ACSS3: variants seen among roughly 807,000 people sequenced by gnomAD.
The protein encoded by ACSS3 is acyl-CoA synthetase short-chain family member 3, mitochondrial.
In ACSS3, 64 loss-of-function variants were observed where a neutral mutation model predicts 84.2. The ratio of observed to expected loss-of-function variants is 0.76; its 90% confidence interval spans 0.62 to 0.94. The LOEUF is 0.94. Among genes scored for constraint, ACSS3 ranks in the 40% least tolerant of loss-of-function variants. ACSS3 has a pLI of 0.00. For synonymous variants in ACSS3, 317 were observed against 310.1 expected (o/e 1.02, Z -0.23); for missense variants, 815 against 867.6 (o/e 0.94, Z 0.76).
At chr12:81,245,408 G>T (rs1462558311) in intron 13 of ACSS3, among the ~76,000 whole-genome samples, 1 of 152,238 alleles carries the variant, frequency 6.6e-6, no homozygotes, top group Non-Finnish European at 1.5e-5. Context: ...CTTGCAGTGA[G>T]CTGAGATCGC....
chr12:81,140,526 A>G (rs1301566893), intron 4 of ACSS3, among the ~76,000 whole-genome samples: 2 of 152,220 alleles, frequency 1.3e-5, no homozygotes, highest in African/African-American at 4.8e-5. Context: ...AAAATATGTC[A>G]TTTTGATTAC....
chr12:81,124,980 C>T (rs957939669), intron 2 of ACSS3, among the ~76,000 whole-genome samples: 5 of 152,228 alleles, frequency 3.3e-5, no homozygotes, highest in South Asian at 2.1e-4. Flanking sequence ...TTTGGGAGGC[C>T]GAGGCGGGCA....
intron 2 of ACSS3, 82 bp from the exon 3 acceptor site, chr12:81,134,734 G>A: frequency 1.6e-6 from 2 of 1,284,868 alleles, no homozygotes; most frequent in Non-Finnish European, 1.0e-6. Flanking sequence ...CGGGTGATCA[G>A]CTTCTAATAT....
intron 4 of ACSS3, 22 bp from the exon 5 acceptor site, chr12:81,143,085 T>C (rs764814691): frequency 6.2e-7 from 1 of 1,605,674 alleles, no homozygotes; most frequent in Non-Finnish European, 8.5e-7. Flanking sequence ...ACAGTACATA[T>C]TCTTATATTT....
intron 13 of ACSS3, among the ~76,000 whole-genome samples, chr12:81,251,897 C>A (rs1456906658): frequency 6.6e-6 from 1 of 151,996 alleles, no homozygotes; most frequent in Non-Finnish European, 1.5e-5. Flanking sequence ...CTGCTCTGAT[C>A]TTGCATCTCC....
Position 81,109,685 on chromosome 12 carries a change from A to T in ACSS3, c.437A>T (p.Tyr146Phe). Reference sequence around the variant, plus strand: ...ACAAACACTAAAGCAACCTTTACCTATAAAGAAGTTCTGGAGCAGGTAATA... The same window carrying T: ...ACAAACACTAAAGCAACCTTTACCTTTAAAGAAGTTCTGGAGCAGGTAATA... ...PVTNTKATFT[Y>F]KEVLEQVSKL... is the part of the protein sequence containing the mutation. Residue 146 changes from tyrosine (Y) to phenylalanine (F), a missense_variant, in exon 2 of 16, where the codon TAT becomes TTT. Coordinates refer to ENST00000548058, the MANE Select transcript of ACSS3 (RefSeq NM_024560.4). 1 of 1,601,282 alleles carries T rather than the reference A, an allele frequency of 6.2e-7. No individual in the cohort carries two copies. Among genetic ancestry groups the T allele is most frequent in the Non-Finnish European group, 8.5e-7 (1 of 1,175,376 alleles).
At chr12:81,154,791 C>A (rs899828053) in intron 7 of ACSS3, among the ~76,000 whole-genome samples, 1 of 152,188 alleles carries the variant, frequency 6.6e-6, no homozygotes, top group Non-Finnish European at 1.5e-5. Flanking sequence ...GAGTTCAGCC[C>A]TGCAGACCAT....
In ACSS3 at chr12:81,226,655, C is replaced by T. The variant is rs142155353; in HGVS notation, c.1515-4402C>T. Among the ~76,000 whole-genome samples the T allele has an allele frequency of 5.9e-5, 9 of 151,964 alleles. No individual in the cohort carries two copies. In the East Asian group the frequency reaches 7.8e-4, roughly 13 times the overall value. On this transcript the variant is annotated intron_variant, in intron 11 of 15. Transcript: ENST00000548058. Reference sequence around the variant, plus strand: ...TGAAAATACTGCTTTTACTATATTGCGCTCTTTGCGTTGGCATCACTATTG... The same window carrying T: ...TGAAAATACTGCTTTTACTATATTGTGCTCTTTGCGTTGGCATCACTATTG...
intron 7 of ACSS3, among the ~76,000 whole-genome samples, chr12:81,163,139 C>T (rs190797406): frequency 1.0e-3 from 155 of 152,204 alleles, no homozygotes; most frequent in African/African-American, 3.1e-3. Flanking sequence ...ATAGAATGAT[C>T]GGTATAGAAA....
chr12:81,137,947 G>T (rs1404793692), intron 3 of ACSS3, among the ~76,000 whole-genome samples: 1 of 152,002 alleles, frequency 6.6e-6, no homozygotes, highest in Non-Finnish European at 1.5e-5. Flanking sequence ...AGACAGAACT[G>T]GCCTTCCTTC....
chr12:81,246,233 TGAC>T (rs2033981726), intron 13 of ACSS3, among the ~76,000 whole-genome samples: 1 of 152,182 alleles, frequency 6.6e-6, no homozygotes, highest in Non-Finnish European at 1.5e-5. Context: ...CCTTAATTGC[TGAC>T]ATTTACTTGG....
intron 8 of ACSS3, among the ~76,000 whole-genome samples, chr12:81,180,602 G>A (rs1281002840): frequency 6.6e-6 from 1 of 152,008 alleles, no homozygotes; most frequent in Non-Finnish European, 1.5e-5. Flanking sequence ...TGCAACATTT[G>A]CCTCCCAGGT....
chr12:81,173,578 A>T (rs902357505), intron 7 of ACSS3, among the ~76,000 whole-genome samples: 1 of 152,190 alleles, frequency 6.6e-6, no homozygotes, highest in Non-Finnish European at 1.5e-5. Flanking sequence ...TTATTGGACA[A>T]CTATCTTATA....
chr12:81,211,016 G>A (rs1338929371), intron 9 of ACSS3, among the ~76,000 whole-genome samples: 5 of 151,922 alleles, frequency 3.3e-5, no homozygotes, highest in Non-Finnish European at 1.5e-5. Flanking sequence ...TCACTTTGTT[G>A]CCCAGGCTGG....
chr12:81,109,783 C>A (rs572026885), intron 2 of ACSS3, 79 bp downstream of exon 2: 5 of 1,170,374 alleles, frequency 4.3e-6, no homozygotes, highest in African/African-American at 1.6e-5. Context: ...CATTGTAGAG[C>A]CTTCAATTCT....
At chr12:81,161,753 G>A (rs1887160711) in intron 7 of ACSS3, among the ~76,000 whole-genome samples, 1 of 152,156 alleles carries the variant, frequency 6.6e-6, no homozygotes, top group Non-Finnish European at 1.5e-5. Context: ...CTACTGGCCT[G>A]GATCCCATGC....
Position 81,183,760 on chromosome 12 carries a change from T to A in ACSS3, c.1250+8821T>A, listed in dbSNP as rs61936402. Among the ~76,000 whole-genome samples, 1,159 of 152,160 alleles carry A rather than the reference T, an allele frequency of 7.6e-3. 8 individuals carry two copies. The highest frequency in any genetic ancestry group is 0.012 in the Non-Finnish European group (820 of 67,954). On this transcript the variant is annotated intron_variant, in intron 8 of 15. Transcript: ENST00000548058. ...TAAGATAACTCAACCACTGTAAATA[T>A]TTATACACCCAGTATTGGATGAGCT...
intron 7 of ACSS3, among the ~76,000 whole-genome samples, chr12:81,153,039 T>A (rs1886687520): frequency 6.8e-6 from 1 of 146,302 alleles, no homozygotes; most frequent in Admixed American, 6.9e-5. Context: ...TTCAGTTTAA[T>A]TGAGATGATA....
At chr12:81,213,937 C>CTT (rs1208834700) in intron 9 of ACSS3, among the ~76,000 whole-genome samples, 37 of 93,418 alleles carry the variant, frequency 4.0e-4, no homozygotes, top group South Asian at 2.4e-3. Context: ...TCCTTCCTTT[C>CTT]TCTCTCTCTC....
Sources: gnomAD v4.1 joint callset for allele counts (sites outside exome capture counted in the v4.1 genomes callset) on GRCh38, gnomAD v4.1.1 for gene constraint, MANE v1.5 for transcripts, NCBI Gene and HGNC (gene_info 2026-07-23, HGNC 2026-07-21) for gene names.